Variants in TPX2 observed in about 807,000 individuals in gnomAD.
TPX2 encodes TPX2 microtubule nucleation factor.
A neutral mutation model predicts 93.6 loss-of-function variants in TPX2; 21 were observed. That is an observed-to-expected ratio of 0.22 (90% confidence interval 0.16 to 0.32). TPX2 has a LOEUF of 0.32. Ranked by LOEUF, TPX2 falls within the 10% of genes least tolerant of loss-of-function variation. The pLI is 1.00. For missense variants in TPX2, 776 were observed against 871.1 expected (o/e 0.89, Z 1.37); for synonymous variants, 281 against 298.3 (o/e 0.94, Z 0.60).
intron 2 of TPX2, among the ~76,000 whole-genome samples, chr20:31,756,886 C>G (rs558118018): frequency 6.6e-6 from 1 of 152,136 alleles, no homozygotes; most frequent in African/African-American, 2.4e-5. Flanking sequence ...CTCAGCCTCT[C>G]GAAGTGCTGG....
intron 5 of TPX2, among the ~76,000 whole-genome samples, chr20:31,768,459 A>G (rs1388833393): frequency 7.1e-6 from 1 of 141,172 alleles, no homozygotes; most frequent in Non-Finnish European, 1.5e-5. Flanking sequence ...GTTAGCCAGG[A>G]TGGTCTCAAT....
At chr20:31,775,796 C>T in intron 7 of TPX2, 71 bp from the exon 8 acceptor site, 3 of 1,364,972 alleles carry the variant, frequency 2.2e-6, no homozygotes, top group South Asian at 2.1e-5. Flanking sequence ...TATATAATGC[C>T]TGTAGATTCT....
chr20:31,740,797 C>G (rs1407886407), intron 1 of TPX2, among the ~76,000 whole-genome samples: 1 of 152,130 alleles, frequency 6.6e-6, no homozygotes, highest in East Asian at 1.9e-4. Flanking sequence ...CCACCCTTGT[C>G]TAATTCTTGA....
chr20:31,756,699 C>T (rs969924837), intron 2 of TPX2, among the ~76,000 whole-genome samples: 2 of 152,094 alleles, frequency 1.3e-5, no homozygotes, highest in Non-Finnish European at 2.9e-5. Flanking sequence ...TCTCGACTCA[C>T]TGCAACTTTC....
intron 2 of TPX2, among the ~76,000 whole-genome samples, chr20:31,752,172 A>G (rs749022251): frequency 2.0e-4 from 30 of 152,256 alleles, no homozygotes; most frequent in African/African-American, 7.2e-4. Flanking sequence ...GTTAAGCCCT[A>G]TGTTTATTGT....
chr20:31,744,521 CT>C (rs1600349362), intron 2 of TPX2, among the ~76,000 whole-genome samples: 1 of 151,840 alleles, frequency 6.6e-6, no homozygotes. Context: ...AAATTTTCTT[CT>C]CTTTTCTTTT....
rs746089590 is a variant in TPX2, at chr20:31,760,069, A to G, written c.119A>G (p.Asn40Ser). The change falls in exon 4 of 18, where the codon AAT becomes AGT. Residue 40 changes from asparagine (N) to serine (S), a missense_variant. Around this residue, in one of 3 missense-constraint regions of TPX2, gnomAD observed 36 missense variants for 58.3 expected, o/e 0.62. Transcript: ENST00000300403. ...TCCCTTTTCACAGAGGAGAAGGCCA[A>G]TTTGGAGAATAAGTTACTGGGGAAG... ...NIDSWFEEKA[N>S]LENKLLGKNG... The G allele has an allele frequency of 6.2e-7, 1 of 1,613,760 alleles. No individual in the cohort carries two copies. Among genetic ancestry groups the G allele is most frequent in the Non-Finnish European group, 8.5e-7 (1 of 1,179,892 alleles).
chr20:31,766,713 A>T, intron 5 of TPX2, 31 bp downstream of exon 5: 1 of 1,595,794 alleles, frequency 6.3e-7, no homozygotes, highest in Non-Finnish European at 8.5e-7. Context: ...AGTGGTGGTT[A>T]TGATAATAAT....
At chr20:31,751,335 G>A (rs1489037902) in intron 2 of TPX2, among the ~76,000 whole-genome samples, 1 of 152,038 alleles carries the variant, frequency 6.6e-6, no homozygotes, top group Non-Finnish European at 1.5e-5. Flanking sequence ...ATTCATGCCT[G>A]GGAAGCCTTC....
intron 2 of TPX2, among the ~76,000 whole-genome samples, chr20:31,754,851 G>A (rs1315105884): frequency 6.6e-6 from 1 of 152,146 alleles, no homozygotes; most frequent in Non-Finnish European, 1.5e-5. Flanking sequence ...CATAATATGT[G>A]AAGCAGATTC....
At chr20:31,759,691 C>G (rs1205538503) in intron 3 of TPX2, among the ~76,000 whole-genome samples, 1 of 152,020 alleles carries the variant, frequency 6.6e-6, no homozygotes, top group Admixed American at 6.6e-5. Context: ...AGCCATCGCT[C>G]CCGGCTGGTT....
At chr20:31,795,256 C>T (rs1175465145) in intron 15 of TPX2, among the ~76,000 whole-genome samples, 1 of 152,236 alleles carries the variant, frequency 6.6e-6, no homozygotes, top group Non-Finnish European at 1.5e-5. Flanking sequence ...ACCTCAGCCT[C>T]CCGAGTAGCT....
intron 4 of TPX2, among the ~76,000 whole-genome samples, chr20:31,765,330 A>C (rs901115770): frequency 6.6e-6 from 1 of 151,790 alleles, no homozygotes; most frequent in Non-Finnish European, 1.5e-5. Context: ...AAAAAAAAAA[A>C]AACGTTTATC....
At position 31,786,500 on chromosome 20, in the gene TPX2, T is replaced by A. The variant is rs554358260; in HGVS notation, c.1413+2579T>A. Among the ~76,000 whole-genome samples the A allele has an allele frequency of 2.0e-4, 30 of 151,822 alleles. No individual in the cohort carries two copies. The South Asian group carries it at 6.2e-3, about 31-fold the overall frequency. ...CTCACTGCAACCTCTGCTTCCCAGG[T>A]TCAACCAATTCTCATGCCTCAGCCT... On this transcript the variant is annotated intron_variant, in intron 12 of 17. Transcript: ENST00000300403.
intron 4 of TPX2, among the ~76,000 whole-genome samples, chr20:31,765,731 C>G (rs2123007894): frequency 6.6e-6 from 1 of 152,300 alleles, no homozygotes; most frequent in South Asian, 2.1e-4. Flanking sequence ...TCTTGGTACT[C>G]TTTGGCTATC....
At chr20:31,789,695 T>C (rs556212827) in intron 12 of TPX2, among the ~76,000 whole-genome samples, 5 of 152,110 alleles carry the variant, frequency 3.3e-5, no homozygotes, top group Admixed American at 6.6e-5. Flanking sequence ...CTAGTTAACT[T>C]TGATGGAAGG....
chr20:31,747,456 G>GTCTA (rs1275554299), intron 2 of TPX2, among the ~76,000 whole-genome samples: 44 of 151,918 alleles, frequency 2.9e-4, no homozygotes, highest in African/African-American at 1.0e-3. Flanking sequence ...CTGTCTGTCT[G>GTCTA]TCTGTCTATC....
At chr20:31,778,346 T>C (rs1474729965) in intron 9 of TPX2, among the ~76,000 whole-genome samples, 1 of 152,120 alleles carries the variant, frequency 6.6e-6, no homozygotes, top group Non-Finnish European at 1.5e-5. Context: ...AAATTACTGG[T>C]CCAAGGAATA....
chr20:31,741,709 G>C (rs2061754286), intron 1 of TPX2, among the ~76,000 whole-genome samples: 1 of 152,136 alleles, frequency 6.6e-6, no homozygotes, highest in African/African-American at 2.4e-5. Context: ...TCAATCTCCT[G>C]ACCTCGTAAT....
Sources: gnomAD v4.1 joint callset for allele counts (sites outside exome capture counted in the v4.1 genomes callset) on GRCh38, gnomAD v4.1.1 for gene constraint, gnomAD v4.1.1 regional missense constraint, MANE v1.5 for transcripts, NCBI Gene and HGNC (gene_info 2026-07-23, HGNC 2026-07-21) for gene names.